DGKG: variants seen among roughly 807,000 people sequenced by gnomAD.
The protein encoded by DGKG is DAG kinase gamma.
Under a neutral mutation model 105.3 loss-of-function variants are expected in DGKG, and 78 were observed. That is an observed-to-expected ratio of 0.74 (90% CI 0.62 to 0.89). The LOEUF is 0.89. Ranked by LOEUF, DGKG falls within the 40% of genes least tolerant of loss-of-function variation. DGKG has a pLI of 0.00. For missense variants in DGKG, 958 were observed against 1,020.1 expected, an observed-to-expected ratio of 0.94 and a Z score of 0.83; for synonymous variants, 346 against 367.1, an observed-to-expected ratio of 0.94 and a Z score of 0.66.
intron 17 of DGKG, among the ~76,000 whole-genome samples, 181 bp from the exon 18 acceptor site, chr3:186,253,363 C>T (rs1158769723): frequency 1.3e-5 from 2 of 152,194 alleles, no homozygotes; most frequent in Non-Finnish European, 2.9e-5. Context: ...GTGTTAACCA[C>T]CACTAATTGA....
chr3:186,261,574 G>T, intron 15 of DGKG, 125 bp downstream of exon 15: 1 of 720,424 alleles, frequency 1.4e-6, no homozygotes, highest in Non-Finnish European at 2.5e-6. Flanking sequence ...GTCATAAAGT[G>T]GCAGGTGGCA....
intron 14 of DGKG, 157 bp from the exon 15 acceptor site, chr3:186,261,935 T>C: frequency 7.1e-6 from 4 of 564,584 alleles, no homozygotes; most frequent in South Asian, 4.0e-5. Context: ...AGGGGCTAAG[T>C]AGCTAAGTGT....
chr3:186,209,517 G>T (rs948605749), intron 21 of DGKG, among the ~76,000 whole-genome samples: 1 of 152,126 alleles, frequency 6.6e-6, no homozygotes, highest in Non-Finnish European at 1.5e-5. Flanking sequence ...TAAAGGCTAT[G>T]GTGGGGAACT....
intron 20 of DGKG, among the ~76,000 whole-genome samples, chr3:186,224,581 TGTG>T (rs1292989816): frequency 6.6e-6 from 1 of 152,256 alleles, no homozygotes; most frequent in African/African-American, 2.4e-5. Context: ...AAGGGGATTC[TGTG>T]GTCAGGTAAA....
chr3:186,211,791 T>G lies in DGKG; in HGVS notation c.1917+4A>C. The G allele has an allele frequency of 6.2e-7, 1 of 1,613,262 alleles. No homozygotes were observed. The highest frequency in any genetic ancestry group is 8.5e-7 in the Non-Finnish European group (1 of 1,179,174). ...GGAAGCCTTCTCCCCACTTGGGAAC[T>G]TACCTCCAACTCAATGTGGTCGTGG... On this transcript the variant is annotated splice_donor_region_variant and intron_variant, in intron 21 of 24. Transcript: ENST00000265022.
chr3:186,341,590 G>T (rs750314254), intron 1 of DGKG, among the ~76,000 whole-genome samples: 2 of 152,190 alleles, frequency 1.3e-5, no homozygotes, highest in African/African-American at 4.8e-5. Flanking sequence ...CTGGTGACAC[G>T]TACACATATG....
At chr3:186,260,536 A>C in intron 15 of DGKG, 23 bp from the exon 16 acceptor site, 1 of 1,547,956 alleles carries the variant, frequency 6.5e-7, no homozygotes, top group Non-Finnish European at 8.9e-7. Flanking sequence ...AAAGAAAAGG[A>C]GGGAGAGAGA....
intron 2 of DGKG, 30 bp from the exon 3 acceptor site, chr3:186,307,007 C>A: frequency 1.4e-6 from 2 of 1,473,304 alleles, no homozygotes; most frequent in Non-Finnish European, 1.9e-6. Context: ...ATGTGAAACA[C>A]TGGCAAATAG....
intron 10 of DGKG, among the ~76,000 whole-genome samples, chr3:186,274,091 C>T (rs1722462139): frequency 6.6e-6 from 1 of 152,280 alleles, no homozygotes; most frequent in Admixed American, 6.5e-5. Flanking sequence ...TTTTTTCCAC[C>T]TTTCCACTCT....
At chr3:186,275,360 T>C (rs1430762208) in intron 10 of DGKG, among the ~76,000 whole-genome samples, 187 bp downstream of exon 10, 1 of 152,244 alleles carries the variant, frequency 6.6e-6, no homozygotes, top group Non-Finnish European at 1.5e-5. Context: ...CCAAGACCTG[T>C]CCATTGGACT....
At chr3:186,158,929 A>G (rs1716159700) in intron 24 of DGKG, 2 of 651,794 alleles carry the variant, frequency 3.1e-6, no homozygotes, top group African/African-American at 3.9e-5. Flanking sequence ...TAAAATTAGC[A>G]TAATTAACAT....
In DGKG at chr3:186,348,451, C is replaced by CTTTTTTT. The variant is rs1159516433; in HGVS notation, c.-249+13488_-249+13494dup. On this transcript the variant is annotated intron_variant, in intron 1 of 24. Transcript: ENST00000265022. ...TGAATAGAGAATTCTGGCTCATAATCTTTTTTTTTTTTTTTTTTTTGAGAT... is the reference window on the plus strand; with the variant it reads ...TGAATAGAGAATTCTGGCTCATAATCTTTTTTTTTTTTTTTTTTTTTTTTTTTGAGAT... Among the ~76,000 whole-genome samples the CTTTTTTT allele has an allele frequency of 8.2e-3, 416 of 50,686 alleles. 16 individuals carry two copies. Among genetic ancestry groups the CTTTTTTT allele is most frequent in the African/African-American group, 0.028 (395 of 13,920 alleles). The allele number at this position is 50,686 out of a possible 152,430, so 33.3% of individuals were successfully genotyped here.
In DGKG at chr3:186,251,935, C is replaced by T; in HGVS notation, c.1601-16G>A. 1 of 1,532,874 alleles carries T rather than the reference C, an allele frequency of 6.5e-7. No individual in the cohort carries two copies. The highest frequency in any genetic ancestry group is 8.8e-7 in the Non-Finnish European group (1 of 1,138,756). The allele number at this position is 1,532,874 out of a possible 1,614,324, so 95.0% of individuals were successfully genotyped here. ...CCTTCATAACCTGTGGAGGACAGCA[C>T]TGCATTTGCCACCACAGCAGAAAGG... On this transcript the variant is annotated splice_polypyrimidine_tract_variant and intron_variant, in intron 18 of 24. Coordinates refer to ENST00000265022, the MANE Select transcript of DGKG (RefSeq NM_001346.3).
At chr3:186,243,249 T>G (rs953041956) in intron 19 of DGKG, among the ~76,000 whole-genome samples, 16 of 151,724 alleles carry the variant, frequency 1.1e-4, no homozygotes, top group Non-Finnish European at 2.2e-4. Context: ...TCTTGATCAC[T>G]TCACTCGAAG....
At chr3:186,252,677 A>G (rs9818114) in intron 18 of DGKG, among the ~76,000 whole-genome samples, 3,191 of 152,332 alleles carry the variant, frequency 0.021, 47 homozygotes, top group Middle Eastern at 0.037. Context: ...CCTCAGTTTT[A>G]GTCCTAATTC....
In DGKG at chr3:186,298,135, C is replaced by A; in HGVS notation, c.239G>T (p.Ser80Ile). The A allele has an allele frequency of 6.2e-7, 1 of 1,614,146 alleles. No individual in the cohort carries two copies. Among genetic ancestry groups the A allele is most frequent in the Non-Finnish European group, 8.5e-7 (1 of 1,180,026 alleles). Reference protein sequence around the residue: ...PLSTHLFLAFSQKPRHETSDH... With the variant: ...PLSTHLFLAFIQKPRHETSDH... The stretch of plus-strand genomic sequence containing the variant: ...AGAGGTCTCGTGTCTGGGCTTCTGG[C>A]TGAAGGCCAGGAAGAGGTGAGTGCT... Residue 80 changes from serine (S) to isoleucine (I), a missense_variant, in exon 4 of 25, where the codon AGC (serine) becomes ATC (isoleucine). Ser to Ile is a moderately radical substitution (Grantham distance 142). Transcript: ENST00000265022.
intron 22 of DGKG, among the ~76,000 whole-genome samples, chr3:186,168,765 G>A (rs1230122325): frequency 2.0e-5 from 3 of 152,188 alleles, no homozygotes; most frequent in African/African-American, 7.2e-5. Context: ...CAGGACAATT[G>A]CTTGAACCCG....
chr3:186,177,376 C>T lies in DGKG; in HGVS notation c.2095+10826G>A, dbSNP rs569751567. ...TTCAAATCTTTTTGAGCTCCCAGGACTAACACACATGCATTTCATCTTGTT... is the reference window on the plus strand; with the variant it reads ...TTCAAATCTTTTTGAGCTCCCAGGATTAACACACATGCATTTCATCTTGTT... On this transcript the variant is annotated intron_variant, in intron 22 of 24. Transcript: ENST00000265022. 3.9e-5 allele frequency among the ~76,000 whole-genome samples: 6 copies of T among 152,340 alleles called. No individual in the cohort carries two copies. The South Asian group carries it at 1.2e-3, about 32-fold the overall frequency.
intron 1 of DGKG, among the ~76,000 whole-genome samples, chr3:186,330,463 A>T (rs1578843648): frequency 6.6e-6 from 1 of 152,168 alleles, no homozygotes; most frequent in African/African-American, 2.4e-5. Flanking sequence ...ACTTGCCCTA[A>T]CCAAGAGAGT....
Sources: allele counts gnomAD v4.1 joint callset (sites outside exome capture counted in the v4.1 genomes callset), GRCh38; gene constraint gnomAD v4.1.1; transcripts MANE v1.5; gene names NCBI Gene and HGNC (gene_info 2026-07-23, HGNC 2026-07-21).